Variants in OTOGL observed in about 807,000 individuals in gnomAD.
The protein encoded by OTOGL is otogelin like.
A neutral mutation model predicts 318.5 loss-of-function variants in OTOGL; 285 were observed. The observed-to-expected ratio is 0.89, with a 90% CI of 0.81 to 0.99. OTOGL has a LOEUF of 0.99. OTOGL is among the 50% of genes least tolerant of loss of function. The pLI, the probability that OTOGL is intolerant of heterozygous loss-of-function variation, is 0.00. For synonymous variants in OTOGL, 987 were observed against 936.5 expected (o/e 1.05, Z -0.99); for missense variants, 2,899 against 2,845.6 (o/e 1.02, Z -0.43).
chr12:80,148,987 C>G (rs533032979), intron 1 of OTOGL, among the ~76,000 whole-genome samples: 81 of 152,058 alleles, frequency 5.3e-4, no homozygotes, highest in Non-Finnish European at 6.6e-4. Context: ...AACTTGTTTG[C>G]CTTTGGTTTG....
chr12:80,242,139 C>G (rs142294596), intron 11 of OTOGL, among the ~76,000 whole-genome samples: 120 of 152,252 alleles, frequency 7.9e-4, no homozygotes, highest in African/African-American at 2.8e-3. Context: ...GAAGGGGGAA[C>G]TGGAGATAAA....
At chr12:80,196,420 T>A (rs1876073250) in intron 1 of OTOGL, among the ~76,000 whole-genome samples, 1 of 152,172 alleles carries the variant, frequency 6.6e-6, no homozygotes, top group Non-Finnish European at 1.5e-5. Flanking sequence ...CAATGAACAA[T>A]TAGGTTTTTA....
intron 49 of OTOGL, among the ~76,000 whole-genome samples, chr12:80,357,157 C>A (rs1022410853): frequency 2.0e-5 from 3 of 152,102 alleles, no homozygotes; most frequent in African/African-American, 7.2e-5. Context: ...ATATTTAAAT[C>A]AAGCTTTTTA....
chr12:80,233,097 G>A lies in OTOGL; in HGVS notation c.817G>A (p.Glu273Lys). Residue 273 changes from glutamate (E) to lysine (K), a missense_variant and splice_region_variant, in exon 9 of 59, where the codon GAG (glutamate) becomes AAG (lysine). By Grantham distance (56) the Glu-to-Lys change is moderately conservative (BLOSUM62 1). Coordinates refer to ENST00000547103, the MANE Select transcript of OTOGL (RefSeq NM_001378609.3). ...ATCTGATGATTTCATAATTCTGCAAGGTAAGTGAAGCAGAATAAATGTGTG... is the reference window on the plus strand; with the variant it reads ...ATCTGATGATTTCATAATTCTGCAAAGTAAGTGAAGCAGAATAAATGTGTG... The part of the protein sequence containing the change: ...IQSDDFIILQ[E>K]DYTEDIAMFA... The A allele has an allele frequency of 1.3e-6, 2 of 1,584,874 alleles. No homozygotes were observed. Among genetic ancestry groups the A allele is most frequent in the Non-Finnish European group, 1.7e-6 (2 of 1,167,126 alleles).
chr12:80,193,266 C>G (rs1464358125), intron 1 of OTOGL, among the ~76,000 whole-genome samples: 1 of 152,056 alleles, frequency 6.6e-6, no homozygotes, highest in Non-Finnish European at 1.5e-5. Context: ...ACCTGTAATC[C>G]CAGCACTTTG....
chr12:80,337,544 T>G (rs2137919948), intron 42 of OTOGL, among the ~76,000 whole-genome samples: 1 of 152,168 alleles, frequency 6.6e-6, no homozygotes, highest in Non-Finnish European at 1.5e-5. Context: ...AAAAAAGCAA[T>G]GCATTATAAA....
At chr12:80,160,533 T>C (rs919635212) in intron 1 of OTOGL, among the ~76,000 whole-genome samples, 2 of 152,110 alleles carry the variant, frequency 1.3e-5, no homozygotes, top group South Asian at 4.1e-4. Flanking sequence ...CACAATGCAA[T>C]ACCACCTTAC....
chr12:80,162,551 G>A (rs543630940), intron 1 of OTOGL, among the ~76,000 whole-genome samples: 1 of 152,168 alleles, frequency 6.6e-6, no homozygotes, highest in South Asian at 2.1e-4. Context: ...GTGTCAGCAG[G>A]GTGGGTTCCT....
chr12:80,316,716 T>C (rs990816826), intron 32 of OTOGL, among the ~76,000 whole-genome samples: 1 of 152,136 alleles, frequency 6.6e-6, no homozygotes, highest in African/African-American at 2.4e-5. Context: ...GTAAAAGCAA[T>C]GCAACAGTGA....
intron 1 of OTOGL, among the ~76,000 whole-genome samples, chr12:80,183,325 A>C (rs1057152310): frequency 3.9e-5 from 6 of 152,212 alleles, no homozygotes; most frequent in African/African-American, 1.4e-4. Flanking sequence ...GTTTCCTCAG[A>C]TTTGAAACAA....
chr12:80,377,097 A>T, intron 57 of OTOGL, 26 bp from the exon 58 acceptor site: 1 of 1,540,006 alleles, frequency 6.5e-7, no homozygotes, highest in Non-Finnish European at 8.9e-7. Context: ...GCCTTTGATG[A>T]ATAAATACAT....
In OTOGL at chr12:80,380,248, T is replaced by A. The variant is rs955482524; in HGVS notation, c.*2200T>A. On this transcript the variant is annotated 3_prime_UTR_variant, in exon 59 of 59. Transcript: ENST00000547103. The stretch of plus-strand genomic sequence containing the variant: ...TTCTAATTGTGACTCAGTATCCAGA[T>A]ACCCCAAATAAATGATTCATAGATT... 1 of 151,910 alleles carries A rather than the reference T, an allele frequency of 6.6e-6. No homozygotes were observed. Among genetic ancestry groups the A allele is most frequent in the East Asian group, 1.9e-4 (1 of 5,176 alleles). 9.4% of individuals were successfully genotyped at this position (151,910 alleles called of 1,614,324 possible).
chr12:80,360,593 T>G (rs971066239), intron 52 of OTOGL, among the ~76,000 whole-genome samples: 1 of 151,902 alleles, frequency 6.6e-6, no homozygotes, highest in African/African-American at 2.4e-5. Context: ...GTGATTCCCC[T>G]GCCTCAGCCT....
chr12:80,196,452 C>T (rs1479147240), intron 1 of OTOGL, among the ~76,000 whole-genome samples: 2 of 152,132 alleles, frequency 1.3e-5, no homozygotes, highest in Admixed American at 1.3e-4. Context: ...CTGTAGTTGA[C>T]CTTATGACTG....
chr12:80,156,554 C>T (rs1004161506), intron 1 of OTOGL, among the ~76,000 whole-genome samples: 1 of 152,130 alleles, frequency 6.6e-6, no homozygotes, highest in African/African-American at 2.4e-5. Context: ...GTGGAAGGGA[C>T]CCGGTGGGAG....
rs1309841910 is a variant in OTOGL, at chr12:80,370,704, G to T, written c.6735+15G>T. ...AATGCAAAATGGTTTGTACTTTGTTGTATCTAAGAAAATTTATTATTATAT... is the reference window on the plus strand; with the variant it reads ...AATGCAAAATGGTTTGTACTTTGTTTTATCTAAGAAAATTTATTATTATAT... On this transcript the variant is annotated intron_variant, in intron 56 of 58. Coordinates refer to ENST00000547103, the MANE Select transcript of OTOGL (RefSeq NM_001378609.3). The T allele has an allele frequency of 1.3e-6, 2 of 1,502,760 alleles. No individual in the cohort carries two copies. Among genetic ancestry groups the T allele is most frequent in the Non-Finnish European group, 1.8e-6 (2 of 1,113,690 alleles). The allele number at this position is 1,502,760 out of a possible 1,614,324, so 93.1% of individuals were successfully genotyped here. A position where few individuals can be genotyped will look rare whatever the true frequency, so the allele number is the denominator to read the frequency against.
intron 43 of OTOGL, among the ~76,000 whole-genome samples, chr12:80,341,595 T>C (rs568320696): frequency 6.6e-6 from 1 of 152,278 alleles, no homozygotes; most frequent in South Asian, 2.1e-4. Flanking sequence ...CTGTGGAAAG[T>C]ACCTTGCCAG....
Position 80,233,382 on chromosome 12 carries a change from C to G in OTOGL, c.817+285C>G, listed in dbSNP as rs192098850. On this transcript the variant is annotated intron_variant, in intron 9 of 58. Coordinates refer to ENST00000547103, the MANE Select transcript of OTOGL (RefSeq NM_001378609.3). ...TCAGAAGGTCGGGATACCTCTGTAT[C>G]CACTGCTTTAGGAACCTGGAATACA... Among the ~76,000 whole-genome samples, 10 of 152,314 alleles carry G rather than the reference C, an allele frequency of 6.6e-5. No individual in the cohort carries two copies. The East Asian group carries it at 1.9e-3, about 29-fold the overall frequency.
At chr12:80,140,277 C>A (rs1471232495) in intron 1 of OTOGL, among the ~76,000 whole-genome samples, 1 of 152,112 alleles carries the variant, frequency 6.6e-6, no homozygotes, top group Non-Finnish European at 1.5e-5. Context: ...TTTATTTCAA[C>A]TTTAGGGTCA....
Sources: allele counts gnomAD v4.1 joint callset (sites outside exome capture counted in the v4.1 genomes callset), GRCh38; gene constraint gnomAD v4.1.1; transcripts MANE v1.5; gene names NCBI Gene and HGNC (gene_info 2026-07-23, HGNC 2026-07-21).